Variants in NECAB2 observed in about 807,000 individuals in gnomAD.
The protein encoded by NECAB2 is N-terminal EF-hand calcium-binding protein 2.
A neutral mutation model predicts 51.9 loss-of-function variants in NECAB2; 68 were observed. That is an observed-to-expected ratio of 1.31 (90% CI 1.08 to 1.60). The LOEUF (loss-of-function observed/expected upper bound fraction) is 1.60. Among genes scored for constraint, NECAB2 ranks in the 40% most tolerant of loss-of-function variants. The probability of loss-of-function intolerance (pLI) is 0.00; values close to 1 mark genes in which losing one functional copy is unlikely to be tolerated. For missense variants in NECAB2, 854 were observed against 490.3 expected (o/e 1.74, Z -7.00); for synonymous variants, 329 against 203.5 (o/e 1.62, Z -5.25).
intron 5 of NECAB2, among the ~76,000 whole-genome samples, chr16:83,983,092 G>C (rs8052744): frequency 0.27 from 41,343 of 151,690 alleles, 10,485 homozygotes; most frequent in African/African-American, 0.68. Context: ...TGGTCTCAAA[G>C]TCCTGACTTG....
At chr16:83,991,238 C>T (rs2084620916) in intron 6 of NECAB2, among the ~76,000 whole-genome samples, 2 of 152,074 alleles carry the variant, frequency 1.3e-5, no homozygotes, top group South Asian at 2.1e-4. Context: ...CTGCCTTAGC[C>T]TCCCAAAGTG....
chr16:83,974,827 G>C (rs2084387159), intron 2 of NECAB2, among the ~76,000 whole-genome samples: 1 of 152,104 alleles, frequency 6.6e-6, no homozygotes, highest in African/African-American at 2.4e-5. Context: ...GTGAGAATAG[G>C]TGTCAAGGAG....
At chr16:83,977,303 G>A (rs915289172) in intron 2 of NECAB2, among the ~76,000 whole-genome samples, 2 of 152,110 alleles carry the variant, frequency 1.3e-5, no homozygotes, top group African/African-American at 4.8e-5. Flanking sequence ...TCCTTGAGGA[G>A]GGGGGAGGTG....
chr16:83,996,184 A>C (rs904421152), intron 8 of NECAB2, among the ~76,000 whole-genome samples: 26 of 152,218 alleles, frequency 1.7e-4, no homozygotes, highest in African/African-American at 4.1e-4. Flanking sequence ...CAGGGGCCAC[A>C]GTGCCTCTCC....
rs568124814 is a variant in NECAB2, at chr16:84,000,099, C to T, written c.963-625C>T. ...AAGAGACAGTGTTTTGCCATGTTGG[C>T]TAGGCTGGTCTTGAACTCCTGACCT... On this transcript the variant is annotated intron_variant, in intron 10 of 12. Transcript: ENST00000305202. 1.3e-3 allele frequency among the ~76,000 whole-genome samples: 202 copies of T among 151,828 alleles called. 6 individuals are homozygous for T. In the South Asian group the frequency reaches 0.016, roughly 12 times the overall value.
chr16:83,986,474 C>G (rs1297016179), intron 5 of NECAB2, among the ~76,000 whole-genome samples: 1 of 152,154 alleles, frequency 6.6e-6, no homozygotes, highest in Non-Finnish European at 1.5e-5. Context: ...GGGCAACAAC[C>G]AATTGCCCTG....
Position 84,002,341 on chromosome 16 carries a change from G to T in NECAB2, c.1156G>T (p.Asp386Tyr), listed in dbSNP as rs1214823415. 2 of 1,613,850 alleles carry T rather than the reference G, an allele frequency of 1.2e-6. No individual in the cohort carries two copies. The highest frequency in any genetic ancestry group is 1.7e-5 in the Admixed American group (1 of 59,986). ...VPAAWCTVGR[D>Y] ...AGCTGCTTGGTGCACGGTGGGACGGGACTGACAGCCTCCCAGAGGCCCGTG... is the reference window on the plus strand; with the variant it reads ...AGCTGCTTGGTGCACGGTGGGACGGTACTGACAGCCTCCCAGAGGCCCGTG... Residue 386 changes from aspartate (D) to tyrosine (Y), a missense_variant, in exon 13 of 13, where the codon GAC becomes TAC. Asp to Tyr is a radical substitution (Grantham distance 160, BLOSUM62 -3). Coordinates refer to ENST00000305202, the MANE Select transcript of NECAB2 (RefSeq NM_019065.3).
intron 6 of NECAB2, among the ~76,000 whole-genome samples, chr16:83,992,386 C>CGG (rs1555548106): frequency 2.0e-5 from 3 of 148,672 alleles, no homozygotes; most frequent in African/African-American, 7.7e-5. Flanking sequence ...GTCCCCCCGC[C>CGG]CACCTCCATT....
chr16:83,976,481 A>G (rs959421003), intron 2 of NECAB2, among the ~76,000 whole-genome samples: 1 of 152,174 alleles, frequency 6.6e-6, no homozygotes, highest in South Asian at 2.1e-4. Flanking sequence ...CCTGGGTTTT[A>G]TCTTCAGGCT....
At chr16:83,998,069 A>C (rs555018582) in intron 9 of NECAB2, 136 bp from the exon 10 acceptor site, 1 of 760,748 alleles carries the variant, frequency 1.3e-6, no homozygotes, top group South Asian at 1.7e-5. Context: ...ATTCTTATCC[A>C]TTCATGGGTA....
At chr16:83,993,531 C>A (rs953655017) in intron 6 of NECAB2, 7 of 154,158 alleles carry the variant, frequency 4.5e-5, no homozygotes, top group African/African-American at 1.7e-4. Context: ...CTGCCAGGAG[C>A]TTTTCAGCAT....
Position 83,998,197 on chromosome 16 carries a change from C to CCCGGCAGCACCTGCAGCTGGT in NECAB2, c.850_870dup. The stretch of plus-strand genomic sequence containing the variant: ...GAGCCCCACACTGACTCCTGCTGTG[C>CCCGGCAGCACCTGCAGCTGGT]CCGGCAGCACCTGCAGCTGGTCCGG... On this transcript the variant is annotated splice_polypyrimidine_tract_variant and splice_region_variant and intron_variant, in intron 9 of 12. Coordinates refer to ENST00000305202, the MANE Select transcript of NECAB2 (RefSeq NM_019065.3). 6.2e-7 allele frequency: 1 copy of CCCGGCAGCACCTGCAGCTGGT among 1,606,456 alleles called. No individual in the cohort carries two copies. The highest frequency in any genetic ancestry group is 1.3e-5 in the African/African-American group (1 of 74,922).
At position 84,002,559 on chromosome 16, in the gene NECAB2, C is replaced by T. The variant is rs540155957; in HGVS notation, c.*213C>T. 5.4e-5 allele frequency: 35 copies of T among 649,796 alleles called. No individual in the cohort carries two copies. Among genetic ancestry groups the T allele is most frequent in the East Asian group, 1.1e-4 (4 of 36,130 alleles). The allele number at this position is 649,796 out of a possible 1,614,324, so 40.3% of individuals were successfully genotyped here. A position where few individuals can be genotyped will look rare whatever the true frequency, so the allele number is the denominator to read the frequency against. On this transcript the variant is annotated 3_prime_UTR_variant, in exon 13 of 13. Transcript: ENST00000305202. ...TGTGCTGCCAGGTCCTGGTGAAGCCCAAGGTTGAAGGGGGCGGCTTCCTGG... is the reference window on the plus strand; with the variant it reads ...TGTGCTGCCAGGTCCTGGTGAAGCCTAAGGTTGAAGGGGGCGGCTTCCTGG...
chr16:83,989,495 G>C (rs1461324366), intron 5 of NECAB2, among the ~76,000 whole-genome samples: 2 of 152,162 alleles, frequency 1.3e-5, no homozygotes, highest in Non-Finnish European at 1.5e-5. Flanking sequence ...TTCCTTGAGA[G>C]CCCTGTTTTT....
At chr16:83,971,291 C>T (rs1421182152) in intron 1 of NECAB2, among the ~76,000 whole-genome samples, 2 of 152,176 alleles carry the variant, frequency 1.3e-5, no homozygotes, top group African/African-American at 4.8e-5. Context: ...TTTAAAAATG[C>T]TGAAATCAGA....
intron 3 of NECAB2, 56 bp from the exon 4 acceptor site, chr16:83,980,783 G>A (rs2084476908): frequency 1.3e-6 from 2 of 1,546,752 alleles, no homozygotes; most frequent in South Asian, 1.2e-5. Flanking sequence ...TGCAGGGTCA[G>A]GCCTGCTAAC....
At position 84,002,708 on chromosome 16, in the gene NECAB2, C is replaced by CTGTAGTGCCCAACCTAGCCA; in HGVS notation, c.*363_*382dup. 3.3e-6 allele frequency: 1 copy of CTGTAGTGCCCAACCTAGCCA among 299,496 alleles called. No homozygotes were observed. The highest frequency in any genetic ancestry group is 5.1e-5 in the South Asian group (1 of 19,732). 18.6% of individuals were successfully genotyped at this position (299,496 alleles called of 1,614,324 possible). The stretch of plus-strand genomic sequence containing the variant: ...CTTCTACCTAGTAGGAGTCATGCCC[C>CTGTAGTGCCCAACCTAGCCA]TGTAGTGCCCAACCTAGCCAGGTAG... On this transcript the variant is annotated 3_prime_UTR_variant, in exon 13 of 13. Transcript: ENST00000305202.
intron 5 of NECAB2, among the ~76,000 whole-genome samples, chr16:83,985,393 G>C (rs12149117): frequency 0.034 from 5,055 of 149,046 alleles, 134 homozygotes; most frequent in Non-Finnish European, 0.053. Context: ...CCAGCACTTT[G>C]GGAGGCCGAG....
At chr16:83,980,995 C>A (rs761487870) in intron 4 of NECAB2, 35 bp from the exon 5 acceptor site, 37 of 1,607,786 alleles carry the variant, frequency 2.3e-5, no homozygotes, top group African/African-American at 2.7e-5. Flanking sequence ...AGGGGCAGGA[C>A]CTGTGACCCC....
Sources: allele counts gnomAD v4.1 joint callset (sites outside exome capture counted in the v4.1 genomes callset), GRCh38; gene constraint gnomAD v4.1.1; transcripts MANE v1.5; gene names NCBI Gene and HGNC (gene_info 2026-07-23, HGNC 2026-07-21).